The following ANKS1B variants were observed in gnomAD, a reference collection of about 807,000 sequenced individuals.
ANKS1B encodes the protein ankyrin repeat and sterile alpha motif domain containing 1B.
Under a neutral mutation model 148.3 loss-of-function variants are expected in ANKS1B, and 36 were observed. The observed-to-expected ratio is 0.24, with a 90% CI of 0.19 to 0.32. ANKS1B has a LOEUF of 0.32. Among genes scored for constraint, ANKS1B ranks in the 10% least tolerant of loss-of-function variants. ANKS1B has a pLI of 1.00. For missense variants in ANKS1B, 1,157 were observed against 1,542.6 expected, an observed-to-expected ratio of 0.75 and a Z score of 4.19; for synonymous variants, 542 against 560.8, an observed-to-expected ratio of 0.97 and a Z score of 0.47.
At chr12:99,595,643 T>C (rs917706398) in intron 9 of ANKS1B, among the ~76,000 whole-genome samples, 2 of 151,926 alleles carry the variant, frequency 1.3e-5, no homozygotes, top group Non-Finnish European at 2.9e-5. Context: ...CCTTTAATTT[T>C]ATGATCTCGC....
intron 8 of ANKS1B, among the ~76,000 whole-genome samples, chr12:99,757,152 G>A (rs2061645931): frequency 6.6e-6 from 1 of 151,630 alleles, no homozygotes. Context: ...TATCAACAGA[G>A]TAAACAGAAA....
At chr12:99,400,348 C>T (rs1220179300) in intron 11 of ANKS1B, among the ~76,000 whole-genome samples, 7 of 145,966 alleles carry the variant, frequency 4.8e-5, no homozygotes, top group Admixed American at 2.1e-4. Context: ...TTATATGGAA[C>T]ATTTTCTAAG....
downstream of ANKS1B, among the ~76,000 whole-genome samples, chr12:98,739,649 C>T (rs763567068): frequency 6.6e-6 from 1 of 152,016 alleles, no homozygotes; most frequent in Non-Finnish European, 1.5e-5. Flanking sequence ...GCATCTCCCC[C>T]CTTCTCCTTT....
chr12:99,288,855 C>A (rs1218686644), intron 12 of ANKS1B, among the ~76,000 whole-genome samples: 1 of 151,760 alleles, frequency 6.6e-6, no homozygotes, highest in Non-Finnish European at 1.5e-5. Context: ...AAGAGAAGAC[C>A]ACAAAACAAC....
At chr12:99,244,297 C>G in intron 14 of ANKS1B, 45 bp downstream of exon 14, 1 of 1,363,076 alleles carries the variant, frequency 7.3e-7, no homozygotes, top group Non-Finnish European at 1.0e-6. Context: ...CTCACTACTC[C>G]TTAAGCACAT....
chr12:99,892,363 C>T (rs1207866130), intron 1 of ANKS1B, among the ~76,000 whole-genome samples: 1 of 152,126 alleles, frequency 6.6e-6, no homozygotes, highest in Non-Finnish European at 1.5e-5. Flanking sequence ...CCTACATATA[C>T]ACTCTCTCAA....
At chr12:99,947,304 G>A (rs114181124) in intron 1 of ANKS1B, among the ~76,000 whole-genome samples, 9,870 of 149,844 alleles carry the variant, frequency 0.066, 387 homozygotes, top group Non-Finnish European at 0.08. Context: ...AAAATCAAGT[G>A]CAATACAAAA....
intron 1 of ANKS1B, among the ~76,000 whole-genome samples, chr12:99,857,848 A>G (rs2089419529): frequency 6.6e-6 from 1 of 152,334 alleles, no homozygotes; most frequent in South Asian, 2.1e-4. Flanking sequence ...AGGAGAATGA[A>G]ACTGGATCCT....
chr12:99,621,125 A>C (rs955718171), intron 9 of ANKS1B, among the ~76,000 whole-genome samples: 7 of 152,170 alleles, frequency 4.6e-5, no homozygotes, highest in African/African-American at 1.4e-4. Context: ...ATTCCAACCA[A>C]GAATTTAATA....
intron 17 of ANKS1B, among the ~76,000 whole-genome samples, chr12:98,935,565 A>C (rs547641944): frequency 6.6e-6 from 1 of 152,308 alleles, no homozygotes; most frequent in East Asian, 1.9e-4. Context: ...ATTCTTCTTT[A>C]AATGTTTGGT....
intron 20 of ANKS1B, among the ~76,000 whole-genome samples, chr12:98,803,050 T>A (rs1203742534): frequency 6.6e-6 from 1 of 152,156 alleles, no homozygotes; most frequent in African/African-American, 2.4e-5. Context: ...TTTGTAAAAG[T>A]GATAACTGAC....
chr12:99,245,864 C>T (rs1294451401), intron 13 of ANKS1B, among the ~76,000 whole-genome samples: 1 of 152,174 alleles, frequency 6.6e-6, no homozygotes, highest in Non-Finnish European at 1.5e-5. Context: ...TTCTAAGGAG[C>T]TCTTCTGAAA....
chr12:99,245,409 G>C (rs1230110532), intron 13 of ANKS1B, among the ~76,000 whole-genome samples: 1 of 152,166 alleles, frequency 6.6e-6, no homozygotes, highest in Non-Finnish European at 1.5e-5. Context: ...GCAATTTATG[G>C]CTTAATGACT....
chr12:99,207,201 G>A (rs2082776513), intron 14 of ANKS1B, among the ~76,000 whole-genome samples: 1 of 152,170 alleles, frequency 6.6e-6, no homozygotes, highest in Non-Finnish European at 1.5e-5. Context: ...ATTTTGGGGT[G>A]CGATTTTCTG....
At chr12:99,272,167 A>G (rs1439425529) in intron 12 of ANKS1B, among the ~76,000 whole-genome samples, 1 of 152,100 alleles carries the variant, frequency 6.6e-6, no homozygotes, top group African/African-American at 2.4e-5. Context: ...GGATATAGAG[A>G]TGATTCCAGT....
In ANKS1B at chr12:99,461,065, T is replaced by TAC. The variant is rs548152939; in HGVS notation, c.1439-17258_1439-17257dup. Among the ~76,000 whole-genome samples, 1,266 of 141,140 alleles carry TAC rather than the reference T, an allele frequency of 9.0e-3. 11 individuals are homozygous for TAC. Among genetic ancestry groups the TAC allele is most frequent in the South Asian group, 0.013 (61 of 4,800 alleles). 92.6% of individuals were successfully genotyped at this position (141,140 alleles called of 152,430 possible). ...ATATACATGTATATATATATATATA[T>TAC]ACACATACACACACCATGGAATACT... On this transcript the variant is annotated intron_variant, in intron 10 of 26. Coordinates refer to ENST00000683438, the MANE Select transcript of ANKS1B (RefSeq NM_001352186.2).
At chr12:98,815,895 C>G (rs201426) in intron 19 of ANKS1B, among the ~76,000 whole-genome samples, 125,505 of 152,126 alleles carry the variant, frequency 0.83, 51,998 homozygotes, top group East Asian at 1. Flanking sequence ...CTCAGTACTA[C>G]AGCCAAAATG....
At chr12:99,158,978 C>T (rs2076362783) in intron 14 of ANKS1B, among the ~76,000 whole-genome samples, 1 of 152,078 alleles carries the variant, frequency 6.6e-6, no homozygotes, top group Admixed American at 6.5e-5. Flanking sequence ...CCACCCAGAC[C>T]CCATTCATAG....
chr12:98,817,583 T>C (rs940805908), intron 19 of ANKS1B, among the ~76,000 whole-genome samples: 2 of 152,212 alleles, frequency 1.3e-5, no homozygotes, highest in African/African-American at 4.8e-5. Context: ...TGAGTGAGTT[T>C]TGAGATACAC....
Sources: gnomAD v4.1 joint callset for allele counts (sites outside exome capture counted in the v4.1 genomes callset) on GRCh38, gnomAD v4.1.1 for gene constraint, MANE v1.5 for transcripts, NCBI Gene and HGNC (gene_info 2026-07-23, HGNC 2026-07-21) for gene names.